TECPR2: variants seen among roughly 807,000 people sequenced by gnomAD.
The protein encoded by TECPR2 is tectonin beta-propeller repeat-containing protein 2.
In TECPR2, 65 loss-of-function variants were observed where a neutral mutation model predicts 138.1. The ratio of observed to expected loss-of-function variants is 0.47; its 90% CI spans 0.39 to 0.58. The LOEUF is 0.58. TECPR2 is among the 20% of genes least tolerant of loss of function. The pLI is 0.00. For synonymous variants in TECPR2, 746 were observed against 749.8 expected (o/e 0.99, Z 0.08); for missense variants, 1,553 against 1,824.5 (o/e 0.85, Z 2.71).
intron 2 of TECPR2, among the ~76,000 whole-genome samples, chr14:102,378,724 A>G (rs1052803269): frequency 6.6e-6 from 1 of 152,144 alleles, no homozygotes; most frequent in African/African-American, 2.4e-5. Context: ...TCCCAGGTTC[A>G]AGCAATTTTC....
At chr14:102,402,867 A>G (rs950790939) in intron 2 of TECPR2, among the ~76,000 whole-genome samples, 1 of 152,186 alleles carries the variant, frequency 6.6e-6, no homozygotes, top group Non-Finnish European at 1.5e-5. Context: ...GAGTAGATCT[A>G]TAATTAGTAA....
intron 17 of TECPR2, among the ~76,000 whole-genome samples, chr14:102,489,790 G>C (rs1448323515): frequency 6.6e-6 from 1 of 151,156 alleles, no homozygotes; most frequent in Non-Finnish European, 1.5e-5. Context: ...TCTGGGTTTT[G>C]TCTGTTTAAA....
intron 2 of TECPR2, among the ~76,000 whole-genome samples, chr14:102,378,997 C>G (rs118008272): frequency 6.6e-6 from 1 of 152,114 alleles, no homozygotes; most frequent in African/African-American, 2.4e-5. Context: ...CTCATGGATT[C>G]GACTGATCAA....
At chr14:102,468,926 G>T (rs573368852) in intron 17 of TECPR2, among the ~76,000 whole-genome samples, 4 of 152,250 alleles carry the variant, frequency 2.6e-5, no homozygotes, top group South Asian at 4.1e-4. Flanking sequence ...TAAATATAAA[G>T]GTTTGCTACT....
intron 15 of TECPR2, among the ~76,000 whole-genome samples, chr14:102,450,918 A>G (rs533997913): frequency 2.6e-5 from 4 of 152,356 alleles, no homozygotes; most frequent in Admixed American, 2.6e-4. Context: ...CAGTGCAGCC[A>G]CCGGGGCTGG....
intron 15 of TECPR2, among the ~76,000 whole-genome samples, chr14:102,451,670 C>A (rs541016720): frequency 9.2e-5 from 14 of 152,172 alleles, no homozygotes; most frequent in African/African-American, 3.4e-4. Flanking sequence ...CTTAGGTTTT[C>A]AAAAATCCAG....
At chr14:102,480,225 T>TA (rs33943952) in intron 17 of TECPR2, among the ~76,000 whole-genome samples, 1 of 21,884 alleles carries the variant, frequency 4.6e-5, no homozygotes, top group South Asian at 3.0e-3. Flanking sequence ...TTTTTTTTTT[T>TA]TTTTTATTGA....
chr14:102,492,555 C>G (rs1403148717), intron 17 of TECPR2, among the ~76,000 whole-genome samples: 1 of 152,216 alleles, frequency 6.6e-6, no homozygotes, highest in South Asian at 2.1e-4. Flanking sequence ...GCTGGGGACG[C>G]AGAATGTTTC....
rs1457687607 is a variant in TECPR2 at position 102,408,483 on chromosome 14, C to G, written c.349-5C>G. On this transcript the variant is annotated splice_region_variant and splice_polypyrimidine_tract_variant and intron_variant, in intron 3 of 19. Coordinates refer to ENST00000359520, the MANE Select transcript of TECPR2 (RefSeq NM_014844.5). ...CTTGTGTATATTTTTATCCCTTGTTCATAGCTTCGGAGATTTGATGTCACT... is the reference window on the plus strand; with the variant it reads ...CTTGTGTATATTTTTATCCCTTGTTGATAGCTTCGGAGATTTGATGTCACT... The G allele has an allele frequency of 6.3e-7, 1 of 1,595,870 alleles. No individual in the cohort carries two copies. The highest frequency in any genetic ancestry group is 2.2e-5 in the East Asian group (1 of 44,524).
At chr14:102,422,967 C>A (rs139035593) in intron 5 of TECPR2, among the ~76,000 whole-genome samples, 1 of 152,140 alleles carries the variant, frequency 6.6e-6, no homozygotes, top group African/African-American at 2.4e-5. Context: ...GGTGTCTTAG[C>A]GCCACACATT....
chr14:102,392,626 G>A (rs1888207540), intron 2 of TECPR2, among the ~76,000 whole-genome samples: 1 of 152,058 alleles, frequency 6.6e-6, no homozygotes, highest in African/African-American at 2.4e-5. Flanking sequence ...ACTTGGGGTT[G>A]TTCAGTGCTG....
chr14:102,435,278 C>T (rs111750989), intron 9 of TECPR2, 67 bp downstream of exon 9: 1 of 1,500,930 alleles, frequency 6.7e-7, no homozygotes, highest in African/African-American at 1.4e-5. Context: ...ATTGTCAAGA[C>T]TGATTATTTT....
chr14:102,494,050 A>G (rs908024797), intron 17 of TECPR2, among the ~76,000 whole-genome samples: 3 of 152,114 alleles, frequency 2.0e-5, no homozygotes, highest in African/African-American at 4.8e-5. Flanking sequence ...CCCATATCTG[A>G]ACCTAGCCTG....
intron 17 of TECPR2, among the ~76,000 whole-genome samples, chr14:102,483,883 G>GC (rs1343825910): frequency 4.6e-5 from 6 of 129,374 alleles, no homozygotes; most frequent in Non-Finnish European, 9.4e-5. Context: ...TACAGCCTCT[G>GC]CCCCCCGGGT....
chr14:102,489,703 CAAA>C (rs35017559), intron 17 of TECPR2, among the ~76,000 whole-genome samples: 16 of 134,020 alleles, frequency 1.2e-4, no homozygotes, highest in Admixed American at 1.5e-4. Context: ...AAAACTGTGT[CAAA>C]AAAAAAAAAA....
intron 16 of TECPR2, among the ~76,000 whole-genome samples, chr14:102,461,213 T>C (rs1323534077): frequency 6.6e-6 from 1 of 152,212 alleles, no homozygotes; most frequent in East Asian, 1.9e-4. Context: ...TTTAAGATGC[T>C]TGTAACATTT....
intron 5 of TECPR2, among the ~76,000 whole-genome samples, chr14:102,418,917 T>C (rs3783373): frequency 0.38 from 58,297 of 151,918 alleles, 11,417 homozygotes; most frequent in Middle Eastern, 0.5. Context: ...GTGGACATGC[T>C]GTGGATTGAC....
intron 17 of TECPR2, among the ~76,000 whole-genome samples, chr14:102,486,555 C>T (rs977094807): frequency 1.3e-5 from 2 of 152,224 alleles, no homozygotes; most frequent in Non-Finnish European, 2.9e-5. Context: ...ATGAAACTGC[C>T]CCTTCCACAG....
chr14:102,478,448 A>AG (rs1890815799), intron 17 of TECPR2, among the ~76,000 whole-genome samples: 1 of 151,734 alleles, frequency 6.6e-6, no homozygotes, highest in Non-Finnish European at 1.5e-5. Flanking sequence ...TGGGAGGTCG[A>AG]GGCGGGTAGA....
Sources: allele counts gnomAD v4.1 joint callset (sites outside exome capture counted in the v4.1 genomes callset), GRCh38; gene constraint gnomAD v4.1.1; transcripts MANE v1.5; gene names NCBI Gene and HGNC (gene_info 2026-07-23, HGNC 2026-07-21).